Variants in ACBD6 observed in about 807,000 individuals in gnomAD.
ACBD6 encodes the protein acyl-CoA binding domain containing 6.
ACBD6 carries 28 observed loss-of-function variants against 37.2 expected under a neutral mutation model. The ratio of observed to expected loss-of-function variants is 0.75; its 90% CI spans 0.56 to 1.03. The LOEUF is 1.03. Ranked by LOEUF, ACBD6 falls within the 50% of genes least tolerant of loss-of-function variation. The pLI, the probability that ACBD6 is intolerant of heterozygous loss-of-function variation, is 0.00. For synonymous variants in ACBD6, 113 were observed against 126.8 expected (o/e 0.89, Z 0.73); for missense variants, 340 against 337.4 (o/e 1.01, Z -0.06).
rs1280581355 is a variant in ACBD6, at chr1:180,274,144, T to G, written c.*937-32A>C. 9 of 1,613,322 alleles carry G rather than the reference T, an allele frequency of 5.6e-6. No homozygotes were observed. In the Admixed American group the frequency reaches 1.5e-4, roughly 27 times the overall value. ...TGTGAAGAGCAGGGGACCATCAGAG[T>G]CCTGGCAGCTGACAATAAATCTCCG... On this transcript the variant is annotated intron_variant, in intron 10 of 13. Coordinates refer to the ACBD6 transcript ENST00000642319.
downstream of ACBD6, among the ~76,000 whole-genome samples, chr1:180,284,365 C>CT (rs774639942): frequency 0.032 from 4,620 of 143,782 alleles, 322 homozygotes; most frequent in East Asian, 0.28. Flanking sequence ...GTATTAAGGT[C>CT]TTTTTTTTTT....
At chr1:180,314,980 A>G (rs1650741382) in intron 6 of ACBD6, among the ~76,000 whole-genome samples, 1 of 152,208 alleles carries the variant, frequency 6.6e-6, no homozygotes, top group Non-Finnish European at 1.5e-5. Flanking sequence ...ATCTGCAGGT[A>G]ATAATCCAAA....
chr1:180,444,545 A>G (rs17300600), intron 3 of ACBD6, among the ~76,000 whole-genome samples: 24,009 of 152,212 alleles, frequency 0.16, 1,958 homozygotes, highest in Middle Eastern at 0.22. Flanking sequence ...TAAAGATGCC[A>G]AAGATGCGTT....
At chr1:180,432,143 G>A (rs1194486017) in intron 3 of ACBD6, among the ~76,000 whole-genome samples, 1 of 151,286 alleles carries the variant, frequency 6.6e-6, no homozygotes, top group Non-Finnish European at 1.5e-5. Flanking sequence ...GGATGCAGAA[G>A]CTGCAGTGAG....
intron 4 of ACBD6, among the ~76,000 whole-genome samples, chr1:180,415,591 C>T (rs1211145933): frequency 6.6e-6 from 1 of 152,166 alleles, no homozygotes; most frequent in Non-Finnish European, 1.5e-5. Flanking sequence ...TACTACAGTG[C>T]TACTCGCCAA....
At chr1:180,425,644 A>G (rs1465611515) in intron 4 of ACBD6, among the ~76,000 whole-genome samples, 2 of 152,252 alleles carry the variant, frequency 1.3e-5, no homozygotes, top group African/African-American at 4.8e-5. Flanking sequence ...ATCTTTAAGT[A>G]GATTTGTTAA....
chr1:180,461,625 A>G (rs1650150392), intron 3 of ACBD6, among the ~76,000 whole-genome samples: 1 of 152,218 alleles, frequency 6.6e-6, no homozygotes, highest in Admixed American at 6.5e-5. Context: ...ATCTTAAAGA[A>G]AACTAATTCC....
intron 6 of ACBD6, among the ~76,000 whole-genome samples, chr1:180,351,113 C>T (rs1652397401): frequency 6.6e-6 from 1 of 152,004 alleles, no homozygotes; most frequent in Non-Finnish European, 1.5e-5. Context: ...ATAAATAATC[C>T]TATGAAATAT....
chr1:180,295,554 T>G (rs1649885581), intron 7 of ACBD6, among the ~76,000 whole-genome samples: 1 of 152,192 alleles, frequency 6.6e-6, no homozygotes, highest in Non-Finnish European at 1.5e-5. Context: ...CAACTCTATA[T>G]TTAAGCAAGT....
chr1:180,501,939 C>A, intron 1 of ACBD6, 106 bp downstream of exon 1: 5 of 1,054,694 alleles, frequency 4.7e-6, no homozygotes, highest in Non-Finnish European at 5.8e-6. Flanking sequence ...TACACATACA[C>A]AAGCTTCATT....
chr1:180,316,162 T>G (rs1029049896), intron 6 of ACBD6, among the ~76,000 whole-genome samples: 1 of 152,104 alleles, frequency 6.6e-6, no homozygotes, highest in African/African-American at 2.4e-5. Flanking sequence ...GAGTGATTCT[T>G]ATGCAGGGCA....
chr1:180,494,844 G>A (rs184250713), intron 2 of ACBD6, among the ~76,000 whole-genome samples: 42 of 152,270 alleles, frequency 2.8e-4, no homozygotes, highest in Middle Eastern at 3.4e-3. Flanking sequence ...TAAATGACAA[G>A]GGGGAACTTC....
intron 3 of ACBD6, among the ~76,000 whole-genome samples, chr1:180,453,140 T>C (rs953064365): frequency 7.2e-5 from 11 of 152,244 alleles, no homozygotes; most frequent in Non-Finnish European, 1.3e-4. Flanking sequence ...CCAGTATCCC[T>C]GATGAACATC....
Position 180,350,658 on chromosome 1 carries a change from C to CCTAG in ACBD6, c.664-35937_664-35936insCTAG, listed in dbSNP as rs1488285499. On this transcript the variant is annotated intron_variant, in intron 6 of 7. Coordinates refer to ENST00000367595, the MANE Select transcript of ACBD6 (RefSeq NM_032360.4). Reference sequence around the variant, plus strand: ...TAGTCTGCCCGAGCTGTTTCTGCTACCTATCCCTTTCCACACCTCAGCATC... The same window carrying CCTAG: ...TAGTCTGCCCGAGCTGTTTCTGCTACCTAGCTATCCCTTTCCACACCTCAGCATC... 7.2e-5 allele frequency among the ~76,000 whole-genome samples: 11 copies of CCTAG among 152,184 alleles called. 1 individual carries two copies. The highest frequency in any genetic ancestry group is 8.8e-5 in the Non-Finnish European group (6 of 68,040).
rs537237320 is a variant in ACBD6 at position 180,349,507 on chromosome 1, G to A, written c.664-34785C>T. On this transcript the variant is annotated intron_variant, in intron 6 of 7. Transcript: ENST00000367595. ...CCTGACCTCGTGATCCGCCTGCCTC[G>A]GCCTCCCAAAATGCTGGGATTACAG... Among the ~76,000 whole-genome samples, 54 of 151,752 alleles carry A rather than the reference G, an allele frequency of 3.6e-4. 1 individual carries two copies. The highest frequency in any genetic ancestry group is 4.6e-4 in the Non-Finnish European group (31 of 67,926).
chr1:180,357,486 C>T (rs1652674327), intron 6 of ACBD6, among the ~76,000 whole-genome samples: 1 of 152,178 alleles, frequency 6.6e-6, no homozygotes, highest in South Asian at 2.1e-4. Context: ...TAGCCAAGAT[C>T]CCTCTGCATC....
intron 3 of ACBD6, chr1:180,435,080 T>A: frequency 1.3e-6 from 1 of 791,078 alleles, no homozygotes; most frequent in Admixed American, 1.7e-5. Context: ...ATCTGAAGCT[T>A]ACCTTCAATT....
At chr1:180,488,485 A>G (rs1393774374) in intron 3 of ACBD6, among the ~76,000 whole-genome samples, 2 of 152,192 alleles carry the variant, frequency 1.3e-5, no homozygotes, top group Non-Finnish European at 1.5e-5. Context: ...TATATTTCCA[A>G]TATCAGCTGT....
intron 3 of ACBD6, among the ~76,000 whole-genome samples, chr1:180,447,052 C>T (rs142516802): frequency 2.9e-4 from 44 of 151,882 alleles, no homozygotes; most frequent in African/African-American, 1.0e-3. Context: ...AACAAACAAA[C>T]AAAAAAACCC....
Sources: allele counts gnomAD v4.1 joint callset (sites outside exome capture counted in the v4.1 genomes callset), GRCh38; gene constraint gnomAD v4.1.1; transcripts MANE v1.5; gene names NCBI Gene and HGNC (gene_info 2026-07-23, HGNC 2026-07-21).